RGL1: variants seen among roughly 807,000 people sequenced by gnomAD.
The protein encoded by RGL1 is ral guanine nucleotide dissociation stimulator-like 1.
Under a neutral mutation model 95.2 loss-of-function variants are expected in RGL1, and 24 were observed. That is an observed-to-expected ratio of 0.25 (90% CI 0.18 to 0.35). The LOEUF is 0.35. Ranked by LOEUF, RGL1 falls within the 10% of genes least tolerant of loss-of-function variation. RGL1 has a pLI of 1.00. For synonymous variants in RGL1, 329 were observed against 344.9 expected, an observed-to-expected ratio of 0.95 and a Z score of 0.51; for missense variants, 715 against 936.3, an observed-to-expected ratio of 0.76 and a Z score of 3.08.
In RGL1 at chr1:183,888,729, A is replaced by G. The variant is rs1572558080; in HGVS notation, c.1055+152A>G. The G allele has an allele frequency of 1.5e-5, 9 of 590,026 alleles. No homozygotes were observed. In the Admixed American group the frequency reaches 2.2e-4, roughly 14 times the overall value. The allele number at this position is 590,026 out of a possible 1,614,324, so 36.5% of individuals were successfully genotyped here. ...GGCAGGGTGCATCTTACACATAATC[A>G]TTAATGACTTTTGAGGCAGGGCTCC... is the stretch of plus-strand genomic sequence containing the variant. On this transcript the variant is annotated intron_variant, in intron 8 of 17. Coordinates refer to ENST00000360851, the MANE Select transcript of RGL1 (RefSeq NM_001297671.3).
At chr1:183,835,629 C>T (rs746239855) in intron 2 of RGL1, among the ~76,000 whole-genome samples, 2 of 152,058 alleles carry the variant, frequency 1.3e-5, no homozygotes, top group African/African-American at 2.4e-5. Context: ...GGCACTAAGA[C>T]GTTATTTTTT....
intron 1 of RGL1, among the ~76,000 whole-genome samples, chr1:183,665,997 CT>C (rs933754826): frequency 2.8e-5 from 4 of 140,658 alleles, no homozygotes; most frequent in African/African-American, 5.3e-5. Flanking sequence ...TGAAGGTCTT[CT>C]TTTTTTCTTT....
At chr1:183,679,680 G>A (rs774357125) in intron 1 of RGL1, among the ~76,000 whole-genome samples, 19 of 152,230 alleles carry the variant, frequency 1.2e-4, no homozygotes, top group Admixed American at 3.9e-4. Context: ...AAACATATGT[G>A]TGCATGTGTC....
chr1:183,787,882 C>T (rs571826747), intron 2 of RGL1, among the ~76,000 whole-genome samples: 12 of 152,100 alleles, frequency 7.9e-5, no homozygotes, highest in Non-Finnish European at 1.3e-4. Context: ...TCTCTCACCA[C>T]GTGATCTCTT....
At chr1:183,887,104 A>C (rs1399582678) in intron 7 of RGL1, among the ~76,000 whole-genome samples, 1 of 151,034 alleles carries the variant, frequency 6.6e-6, no homozygotes, top group Non-Finnish European at 1.5e-5. Context: ...ATGCTCCCAT[A>C]GGCTTAGTTT....
intron 1 of RGL1, among the ~76,000 whole-genome samples, chr1:183,655,031 C>CA (rs1651046437): frequency 6.6e-6 from 1 of 152,212 alleles, no homozygotes; most frequent in South Asian, 2.1e-4. Flanking sequence ...CTAGCTTCCC[C>CA]AACAGACTCC....
chr1:183,897,729 G>A (rs1407824789), intron 9 of RGL1, 79 bp from the exon 10 acceptor site: 17 of 1,061,964 alleles, frequency 1.6e-5, no homozygotes, highest in East Asian at 2.4e-5. Flanking sequence ...GGTTGTGTGC[G>A]AGAAACTAGA....
intron 2 of RGL1, among the ~76,000 whole-genome samples, chr1:183,776,947 A>G (rs1213970071): frequency 6.6e-6 from 1 of 152,184 alleles, no homozygotes; most frequent in African/African-American, 2.4e-5. Flanking sequence ...GTTTCTGGGG[A>G]GCCCAGAATC....
At chr1:183,779,475 C>G (rs1195854601) in intron 2 of RGL1, among the ~76,000 whole-genome samples, 1 of 152,136 alleles carries the variant, frequency 6.6e-6, no homozygotes, top group Non-Finnish European at 1.5e-5. Context: ...TCTTGAACTC[C>G]TGACCTCAAG....
chr1:183,762,793 G>A (rs557820205), intron 2 of RGL1, among the ~76,000 whole-genome samples: 2 of 152,302 alleles, frequency 1.3e-5, no homozygotes, highest in East Asian at 3.9e-4. Flanking sequence ...CTGTTGGTGG[G>A]AGTGTAAATT....
At chr1:183,806,657 T>C (rs1661367206) in intron 2 of RGL1, among the ~76,000 whole-genome samples, 172 bp downstream of exon 2, 2 of 152,138 alleles carry the variant, frequency 1.3e-5, no homozygotes, top group Admixed American at 6.5e-5. Flanking sequence ...TTTTTGTATT[T>C]AATGTTTTCA....
intron 2 of RGL1, among the ~76,000 whole-genome samples, chr1:183,760,810 C>T (rs1192790092): frequency 6.6e-6 from 1 of 152,138 alleles, no homozygotes; most frequent in Admixed American, 6.6e-5. Context: ...ACTTTATCAA[C>T]TAAGTTTATG....
intron 2 of RGL1, among the ~76,000 whole-genome samples, chr1:183,779,225 T>G (rs918190116): frequency 2.4e-5 from 3 of 123,734 alleles, no homozygotes; most frequent in African/African-American, 9.8e-5. Context: ...CCTTCCTTCC[T>G]TCCCTCCCTC....
intron 1 of RGL1, among the ~76,000 whole-genome samples, chr1:183,642,598 G>A (rs778594367): frequency 2.0e-5 from 3 of 151,998 alleles, no homozygotes; most frequent in African/African-American, 7.2e-5. Context: ...AAAAAACCTT[G>A]TTATTGTAAT....
In RGL1 at chr1:183,927,034, T is replaced by G. The variant is rs1669652337; in HGVS notation, c.*742T>G. ...CATGACACCTCTGGAGGTGTCAAGC[T>G]CCTGAAACAAGCTCATTTCAGTTTC... On this transcript the variant is annotated 3_prime_UTR_variant, in exon 18 of 18. Transcript: ENST00000360851. 6.6e-6 allele frequency: 1 copy of G among 152,630 alleles called. No individual in the cohort carries two copies. The highest frequency in any genetic ancestry group is 1.5e-5 in the Non-Finnish European group (1 of 68,038). 9.5% of individuals were successfully genotyped at this position (152,630 alleles called of 1,614,324 possible). A position where few individuals can be genotyped will look rare whatever the true frequency, so the allele number is the denominator to read the frequency against.
intron 2 of RGL1, among the ~76,000 whole-genome samples, chr1:183,797,459 T>C (rs1172612116): frequency 1.3e-5 from 2 of 152,252 alleles, no homozygotes; most frequent in African/African-American, 2.4e-5. Flanking sequence ...GTCTTCATTT[T>C]CTATACCCTA....
intron 1 of RGL1, among the ~76,000 whole-genome samples, chr1:183,741,228 G>A (rs2102255252): frequency 6.6e-6 from 1 of 152,290 alleles, no homozygotes; most frequent in East Asian, 1.9e-4. Flanking sequence ...TTTAGGAAAA[G>A]TTTTAGGTAG....
intron 2 of RGL1, among the ~76,000 whole-genome samples, chr1:183,820,302 G>A (rs1558227228): frequency 6.6e-6 from 1 of 152,078 alleles, no homozygotes; most frequent in Non-Finnish European, 1.5e-5. Context: ...AATTTGAATC[G>A]TTTGTGATAT....
At chr1:183,869,397 T>C (rs552041243) in intron 4 of RGL1, among the ~76,000 whole-genome samples, 2 of 152,362 alleles carry the variant, frequency 1.3e-5, no homozygotes, top group African/African-American at 4.8e-5. Flanking sequence ...GAGGGGTCCA[T>C]CCTCTGGGGA....
Sources: allele counts gnomAD v4.1 joint callset (sites outside exome capture counted in the v4.1 genomes callset), GRCh38; gene constraint gnomAD v4.1.1; transcripts MANE v1.5; gene names NCBI Gene and HGNC (gene_info 2026-07-23, HGNC 2026-07-21).